The following PHF20 variants were observed in gnomAD, a reference collection of about 807,000 sequenced individuals.
The protein encoded by PHF20 is PHD finger protein 20.
A neutral mutation model predicts 113.5 loss-of-function variants in PHF20; 23 were observed. The observed-to-expected ratio is 0.20, with a 90% confidence interval of 0.15 to 0.29. The LOEUF (loss-of-function observed/expected upper bound fraction) is 0.29. Ranked by LOEUF, PHF20 falls within the 10% of genes least tolerant of loss-of-function variation. The pLI is 1.00. For missense variants in PHF20, 943 were observed against 1,219.6 expected, an observed-to-expected ratio of 0.77 and a Z score of 3.38; for synonymous variants, 434 against 457.3, an observed-to-expected ratio of 0.95 and a Z score of 0.65.
rs538522199 is a variant in PHF20 at position 35,827,845 on chromosome 20, G to A, written c.84-14728G>A. 4.6e-5 allele frequency among the ~76,000 whole-genome samples: 7 copies of A among 150,734 alleles called. No homozygotes were observed. The East Asian group carries it at 5.9e-4, about 13-fold the overall frequency. Reference sequence around the variant, plus strand: ...GGGTTTAGAGTTAGATGTAGATATCGATCTTGATTGTGCCTCTTCCTAGTC... The same window carrying A: ...GGGTTTAGAGTTAGATGTAGATATCAATCTTGATTGTGCCTCTTCCTAGTC... On this transcript the variant is annotated intron_variant, in intron 2 of 17. Transcript: ENST00000374012.
intron 13 of PHF20, among the ~76,000 whole-genome samples, chr20:35,925,795 A>G (rs1052217797): frequency 2.0e-5 from 3 of 151,822 alleles, no homozygotes; most frequent in African/African-American, 4.8e-5. Context: ...CTTAATTTAA[A>G]GGAATAATGT....
chr20:35,896,718 T>C (rs1042506014), intron 9 of PHF20, among the ~76,000 whole-genome samples: 6 of 150,546 alleles, frequency 4.0e-5, no homozygotes, highest in African/African-American at 1.5e-4. Context: ...GGAGAATCGC[T>C]TGAACTGGGG....
rs1324965556 is a variant in PHF20, at chr20:35,938,839, G to A, written c.2443G>A (p.Ala815Thr). Residue 815 changes from alanine to threonine, a missense_variant, in exon 16 of 18, where the codon GCA (alanine) becomes ACA (threonine). Transcript: ENST00000374012. ...EAPSYRTLNG[A>T]VEKPRPLALP... is the part of the protein sequence containing the mutation. ...TCCAAGCTATAGAACTTTGAACGGG[G>A]CAGTGGAGAAGCCCAGGCCCCTGGC... 3 of 1,614,218 alleles carry A rather than the reference G, an allele frequency of 1.9e-6. No homozygotes were observed. The South Asian group carries it at 3.3e-5, about 18-fold the overall frequency.
intron 9 of PHF20, among the ~76,000 whole-genome samples, chr20:35,881,317 C>T (rs1169041554): frequency 6.6e-6 from 1 of 151,950 alleles, no homozygotes; most frequent in Non-Finnish European, 1.5e-5. Flanking sequence ...CTTGGCCTCA[C>T]AAAGTGCTGG....
intron 10 of PHF20, among the ~76,000 whole-genome samples, chr20:35,906,697 A>T (rs1159536073): frequency 6.6e-6 from 1 of 152,178 alleles, no homozygotes; most frequent in Admixed American, 6.5e-5. Flanking sequence ...TTTAAGGCAC[A>T]ACCCAGAAGT....
At chr20:35,917,709 C>T (rs376866373) in intron 13 of PHF20, 47 bp downstream of exon 13, 46 of 1,523,366 alleles carry the variant, frequency 3.0e-5, no homozygotes, top group Non-Finnish European at 3.9e-5. Context: ...ACAAACTGGT[C>T]CTTGGAGGGA....
At chr20:35,853,413 G>A (rs2146955499) in intron 4 of PHF20, 1 of 152,170 alleles carries the variant, frequency 6.6e-6, no homozygotes, top group East Asian at 1.9e-4. Flanking sequence ...TGGCATTCTG[G>A]AATAATCTGA....
intron 2 of PHF20, among the ~76,000 whole-genome samples, chr20:35,817,387 A>C (rs1299561806): frequency 6.6e-6 from 1 of 151,532 alleles, no homozygotes; most frequent in East Asian, 2.0e-4. Flanking sequence ...GGGTTTCACT[A>C]GGTTGGCCAG....
chr20:35,819,576 C>A (rs1384650259), intron 2 of PHF20, among the ~76,000 whole-genome samples: 1 of 151,756 alleles, frequency 6.6e-6, no homozygotes, highest in Non-Finnish European at 1.5e-5. Flanking sequence ...TTTTTGGTTT[C>A]TTTTTCATTA....
chr20:35,896,608 C>T (rs1458641005), intron 9 of PHF20, among the ~76,000 whole-genome samples: 2 of 150,720 alleles, frequency 1.3e-5, no homozygotes, highest in African/African-American at 4.9e-5. Flanking sequence ...GTCAGGAGTT[C>T]GAGACCAGGC....
chr20:35,777,908 A>G (rs78449143), intron 1 of PHF20, among the ~76,000 whole-genome samples: 7,280 of 152,252 alleles, frequency 0.048, 213 homozygotes, highest in African/African-American at 0.089. Context: ...ACAAATGAAT[A>G]AAACCAACAG....
chr20:35,854,885 C>T (rs1419614269), intron 4 of PHF20, among the ~76,000 whole-genome samples: 1 of 152,146 alleles, frequency 6.6e-6, no homozygotes, highest in East Asian at 1.9e-4. Flanking sequence ...GTAAGTCCTC[C>T]TTCTGGAATC....
chr20:35,868,685 C>G (rs1039703994), intron 6 of PHF20, among the ~76,000 whole-genome samples: 1 of 152,232 alleles, frequency 6.6e-6, no homozygotes, highest in Non-Finnish European at 1.5e-5. Context: ...AGCGTCTGTA[C>G]TGCTAAATTA....
chr20:35,935,506 G>C (rs1007972361), intron 15 of PHF20, among the ~76,000 whole-genome samples: 1 of 152,162 alleles, frequency 6.6e-6, no homozygotes, highest in African/African-American at 2.4e-5. Context: ...AGCTGGGATT[G>C]CAGGCATGTA....
At position 35,916,393 on chromosome 20, in the gene PHF20, G is replaced by A. The variant is rs190418756; in HGVS notation, c.1826-1091G>A. ...GTTAGCTGTGATTATAACTAATCAGGCATCAAGTGATTCTGCCTCTGATTA... is the reference window on the plus strand; with the variant it reads ...GTTAGCTGTGATTATAACTAATCAGACATCAAGTGATTCTGCCTCTGATTA... On this transcript the variant is annotated intron_variant, in intron 12 of 17. Transcript: ENST00000374012. 4.3e-4 allele frequency among the ~76,000 whole-genome samples: 66 copies of A among 152,348 alleles called. No homozygotes were observed. The East Asian group carries it at 5.6e-3, about 13-fold the overall frequency.
At chr20:35,879,596 C>A (rs2054589362) in intron 9 of PHF20, among the ~76,000 whole-genome samples, 1 of 151,928 alleles carries the variant, frequency 6.6e-6, no homozygotes, top group African/African-American at 2.4e-5. Flanking sequence ...TGTACCCAAA[C>A]TTTTATATAC....
chr20:35,788,060 G>A (rs1339513400), intron 1 of PHF20, among the ~76,000 whole-genome samples: 1 of 152,114 alleles, frequency 6.6e-6, no homozygotes, highest in Non-Finnish European at 1.5e-5. Flanking sequence ...TTACAGGTGT[G>A]AGCTACCTAG....
chr20:35,913,175 T>G (rs2055339105), intron 10 of PHF20, 74 bp from the exon 11 acceptor site: 1 of 1,045,788 alleles, frequency 9.6e-7, no homozygotes, highest in Admixed American at 2.0e-5. Flanking sequence ...CGGACATGCT[T>G]GCTTAGGAGA....
chr20:35,918,529 A>T (rs982444034), intron 13 of PHF20, among the ~76,000 whole-genome samples: 3 of 151,778 alleles, frequency 2.0e-5, no homozygotes, highest in Admixed American at 2.0e-4. Context: ...TTCCTTGCTT[A>T]TTTTCTTGGA....
Sources: gnomAD v4.1 joint callset for allele counts (sites outside exome capture counted in the v4.1 genomes callset) on GRCh38, gnomAD v4.1.1 for gene constraint, MANE v1.5 for transcripts, NCBI Gene and HGNC (gene_info 2026-07-23, HGNC 2026-07-21) for gene names.